The following VPS13B variants were observed in gnomAD, a reference collection of about 807,000 sequenced individuals.
VPS13B encodes the protein vacuolar protein sorting 13 homolog B.
Under a neutral mutation model 426.4 loss-of-function variants are expected in VPS13B, and 285 were observed. The observed-to-expected ratio is 0.67, with a 90% CI of 0.61 to 0.74. The LOEUF (loss-of-function observed/expected upper bound fraction) is 0.74. Ranked by LOEUF, VPS13B falls within the 30% of genes least tolerant of loss-of-function variation. VPS13B has a pLI of 0.00. For synonymous variants in VPS13B, 1,676 were observed against 1,676.4 expected (o/e 1.00, Z 0.01); for missense variants, 4,537 against 4,782.6 (o/e 0.95, Z 1.51).
At chr8:99,748,440 A>C (rs909924165) in intron 39 of VPS13B, among the ~76,000 whole-genome samples, 5 of 152,040 alleles carry the variant, frequency 3.3e-5, no homozygotes, top group Non-Finnish European at 1.5e-5. Flanking sequence ...AAACAACTAA[A>C]TGAACAGATG....
intron 35 of VPS13B, chr8:99,697,908 A>G: frequency 4.3e-6 from 2 of 466,714 alleles, no homozygotes; most frequent in South Asian, 3.6e-5. Context: ...TTGGTGGACA[A>G]AGATGTTCAT....
chr8:99,014,932 T>C (rs1013755380), intron 2 of VPS13B, among the ~76,000 whole-genome samples: 1 of 152,102 alleles, frequency 6.6e-6, no homozygotes, highest in Non-Finnish European at 1.5e-5. Context: ...GAAATTCTGT[T>C]AGGCTTGAGG....
intron 55 of VPS13B, among the ~76,000 whole-genome samples, chr8:99,849,947 ATACC>A (rs1418285817): frequency 6.6e-6 from 1 of 151,100 alleles, no homozygotes; most frequent in Non-Finnish European, 1.5e-5. Flanking sequence ...GTACTTATAC[ATACC>A]TACATAAGTA....
At chr8:99,572,052 T>G (rs1825502379) in intron 31 of VPS13B, among the ~76,000 whole-genome samples, 1 of 152,200 alleles carries the variant, frequency 6.6e-6, no homozygotes, top group Admixed American at 6.5e-5. Flanking sequence ...AGATAATTTA[T>G]GCCAATTCTC....
chr8:99,530,528 C>T (rs144080390), intron 30 of VPS13B, among the ~76,000 whole-genome samples: 3,114 of 151,044 alleles, frequency 0.021, 117 homozygotes, highest in African/African-American at 0.072. Context: ...ACAGGAGAAT[C>T]GCTTGAATCT....
At chr8:99,174,413 A>G (rs7836899) in intron 16 of VPS13B, among the ~76,000 whole-genome samples, 26,354 of 152,014 alleles carry the variant, frequency 0.17, 2,772 homozygotes, top group East Asian at 0.38. Flanking sequence ...ACCACTTGAC[A>G]CCTGCAACAG....
chr8:99,030,135 C>CTTTTTTTTTTTTTT (rs58542671), intron 2 of VPS13B, among the ~76,000 whole-genome samples: 1 of 75,732 alleles, frequency 1.3e-5, no homozygotes, highest in Non-Finnish European at 2.4e-5. Flanking sequence ...AAAATACATG[C>CTTTTTTTTTTTTTT]TTTTTTTTTT....
intron 33 of VPS13B, among the ~76,000 whole-genome samples, chr8:99,636,586 C>G (rs1563836868): frequency 6.6e-6 from 1 of 151,974 alleles, no homozygotes; most frequent in Non-Finnish European, 1.5e-5. Context: ...ATCCTTTCCT[C>G]ATTAGTTGGA....
chr8:99,541,312 T>A (rs923394805), intron 30 of VPS13B, among the ~76,000 whole-genome samples: 1 of 152,198 alleles, frequency 6.6e-6, no homozygotes, highest in Non-Finnish European at 1.5e-5. Context: ...AACTTTTTTA[T>A]ATTCTTAAGA....
At chr8:99,135,489 A>G in intron 10 of VPS13B, 107 bp from the exon 11 acceptor site, 1 of 1,380,480 alleles carries the variant, frequency 7.2e-7, no homozygotes, top group Non-Finnish European at 1.0e-6. Context: ...TTTCTGTTTT[A>G]GTGATTTCTT....
intron 8 of VPS13B, among the ~76,000 whole-genome samples, chr8:99,130,729 G>C (rs554912165): frequency 6.6e-6 from 1 of 152,172 alleles, no homozygotes; most frequent in Admixed American, 6.5e-5. Flanking sequence ...AATAATTGTA[G>C]ACAGCTGAAG....
chr8:99,087,423 A>G (rs1435070389), intron 3 of VPS13B, among the ~76,000 whole-genome samples: 1 of 151,344 alleles, frequency 6.6e-6, no homozygotes, highest in Non-Finnish European at 1.5e-5. Context: ...GCAGTGCCTC[A>G]CCCTGCTTCG....
chr8:99,445,743 A>G (rs1817885629), intron 23 of VPS13B, among the ~76,000 whole-genome samples: 1 of 152,066 alleles, frequency 6.6e-6, no homozygotes, highest in South Asian at 2.1e-4. Context: ...CATCTGAACA[A>G]TACAGTTCTT....
intron 17 of VPS13B, among the ~76,000 whole-genome samples, chr8:99,195,541 GTTAA>G (rs1365587591): frequency 6.6e-6 from 1 of 152,106 alleles, no homozygotes; most frequent in African/African-American, 2.4e-5. Flanking sequence ...CCTTCATTCT[GTTAA>G]TTGTTTCTTT....
chr8:99,832,528 T>C lies in VPS13B; in HGVS notation c.9490T>C (p.Ser3164Pro). The change falls in exon 52 of 62, where the codon TCT (serine) becomes CCT (proline). Residue 3164 changes from serine (S) to proline (P), a missense_variant. This residue lies in a region of VPS13B where 4,311 missense variants were observed against 4,474.3 expected (regional missense o/e 0.96). Transcript: ENST00000357162. ...TCAGAAACAGATCATGCTGGGCTTT[T>C]CTCCTGCCCCAGGTGCTGACAGCTC... ...LLQKQIMLGF[S>P]PAPGADSSQC... is the part of the protein sequence containing the mutation. 2 of 1,613,814 alleles carry C rather than the reference T, an allele frequency of 1.2e-6. No individual in the cohort carries two copies. The highest frequency in any genetic ancestry group is 8.5e-7 in the Non-Finnish European group (1 of 1,179,962).
chr8:99,431,238 A>G (rs888391705), intron 21 of VPS13B, among the ~76,000 whole-genome samples: 2 of 152,196 alleles, frequency 1.3e-5, no homozygotes, highest in East Asian at 3.8e-4. Context: ...TACAAAGTGA[A>G]TACTTGCATG....
At chr8:99,448,942 C>T (rs1312958205) in intron 23 of VPS13B, among the ~76,000 whole-genome samples, 1 of 152,118 alleles carries the variant, frequency 6.6e-6, no homozygotes, top group Non-Finnish European at 1.5e-5. Flanking sequence ...TACCCCTTTC[C>T]ATTCTACTTC....
chr8:99,536,795 G>A (rs1388400126), intron 30 of VPS13B: 8 of 525,598 alleles, frequency 1.5e-5, no homozygotes, highest in Admixed American at 9.8e-5. Context: ...TGTTCAGTGA[G>A]ACACAACCTC....
chr8:99,142,264 T>C (rs958003257), intron 12 of VPS13B, among the ~76,000 whole-genome samples: 9 of 152,220 alleles, frequency 5.9e-5, no homozygotes, highest in African/African-American at 1.9e-4. Flanking sequence ...CTTCTTTTTG[T>C]CTGAATAAAC....
Sources: gnomAD v4.1 joint callset for allele counts (sites outside exome capture counted in the v4.1 genomes callset) on GRCh38, gnomAD v4.1.1 for gene constraint, gnomAD v4.1.1 regional missense constraint, MANE v1.5 for transcripts, NCBI Gene and HGNC (gene_info 2026-07-23, HGNC 2026-07-21) for gene names.